Variants in WWP1 observed in about 807,000 individuals in gnomAD.
The protein encoded by WWP1 is NEDD4-like E3 ubiquitin-protein ligase WWP1.
WWP1 carries 49 observed loss-of-function variants against 130.6 expected under a neutral mutation model. That is an observed-to-expected ratio of 0.38 (90% CI 0.30 to 0.48). The LOEUF (loss-of-function observed/expected upper bound fraction) is 0.48. Ranked by LOEUF, WWP1 falls within the 20% of genes least tolerant of loss-of-function variation. The pLI is 0.99. For synonymous variants in WWP1, 332 were observed against 367.8 expected, an observed-to-expected ratio of 0.90 and a Z score of 1.11; for missense variants, 809 against 1,100.6, an observed-to-expected ratio of 0.74 and a Z score of 3.75.
At chr8:86,453,288 A>G (rs1238653114) in intron 21 of WWP1, among the ~76,000 whole-genome samples, 1 of 152,044 alleles carries the variant, frequency 6.6e-6, no homozygotes, top group African/African-American at 2.4e-5. Flanking sequence ...ATCATACAGT[A>G]TTTTACTTTC....
chr8:86,457,636 C>G (rs919365392), intron 21 of WWP1, among the ~76,000 whole-genome samples: 2 of 151,888 alleles, frequency 1.3e-5, no homozygotes, highest in Non-Finnish European at 2.9e-5. Context: ...TATATACATA[C>G]GGTAAAGGAT....
In WWP1 at chr8:86,435,512, C is replaced by T. The variant is rs1414429869; in HGVS notation, c.1662C>T (p.Phe554=). The T allele has an allele frequency of 2.5e-6, 4 of 1,613,984 alleles. No homozygotes were observed. Among genetic ancestry groups the T allele is most frequent in the East Asian group, 2.2e-5 (1 of 44,868 alleles). The change falls in exon 15 of 25, where the codon TTC becomes TTT. Residue 554 remains phenylalanine, a synonymous_variant. Coordinates refer to ENST00000517970, the MANE Select transcript of WWP1 (RefSeq NM_007013.4). ...ERGFRWKLAH[F]RYLCQSNALP... is the part of the protein sequence containing the mutation. ...GCTTTAGGTGGAAGCTTGCTCACTTCCGTTATTTGTGCCAGGTACTATAGT... is the reference window on the plus strand; with the variant it reads ...GCTTTAGGTGGAAGCTTGCTCACTTTCGTTATTTGTGCCAGGTACTATAGT...
At chr8:86,423,712 T>G (rs1809371251) in intron 9 of WWP1, among the ~76,000 whole-genome samples, 1 of 152,172 alleles carries the variant, frequency 6.6e-6, no homozygotes, top group Non-Finnish European at 1.5e-5. Context: ...ATCATCATCA[T>G]GGCCCGTTCT....
chr8:86,424,808 A>AG (rs1809510760), intron 9 of WWP1, among the ~76,000 whole-genome samples: 1 of 81,340 alleles, frequency 1.2e-5, no homozygotes, highest in Non-Finnish European at 2.3e-5. Context: ...AGAGAGGGAG[A>AG]GGGAGACTGT....
Position 86,345,251 on chromosome 8 carries a change from T to C in WWP1, c.-115+2321T>C, listed in dbSNP as rs574718343. On this transcript the variant is annotated intron_variant, in intron 1 of 24. Coordinates refer to ENST00000517970, the MANE Select transcript of WWP1 (RefSeq NM_007013.4). ...ATCATGAAGCTTTACCCTCAGCATA[T>C]GTGTGCTACTTTACAACTTTTTGGA... Among the ~76,000 whole-genome samples, 31 of 152,356 alleles carry C rather than the reference T, an allele frequency of 2.0e-4. 1 individual carries two copies. Among genetic ancestry groups the C allele is most frequent in the Admixed American group, 8.5e-4 (13 of 15,306 alleles).
chr8:86,450,049 GAA>G (rs1811090331), intron 20 of WWP1, among the ~76,000 whole-genome samples: 2 of 152,178 alleles, frequency 1.3e-5, no homozygotes. Context: ...TTTAAAAAGT[GAA>G]GTTACTGGGT....
chr8:86,425,778 GT>G (rs1270224139), intron 10 of WWP1, among the ~76,000 whole-genome samples: 5 of 152,160 alleles, frequency 3.3e-5, no homozygotes, highest in Non-Finnish European at 7.3e-5. Context: ...ATTGTAGAAG[GT>G]TTTAAATTAA....
chr8:86,362,960 ATAT>A (rs1373631944), intron 1 of WWP1, among the ~76,000 whole-genome samples: 1 of 152,168 alleles, frequency 6.6e-6, no homozygotes, highest in African/African-American at 2.4e-5. Flanking sequence ...CTCGTATTTA[ATAT>A]TATTTAATAT....
At chr8:86,446,565 C>G (rs1810894354) in intron 18 of WWP1, among the ~76,000 whole-genome samples, 1 of 152,074 alleles carries the variant, frequency 6.6e-6, no homozygotes, top group Admixed American at 6.5e-5. Context: ...GAGGGCATTT[C>G]CTAGGTTTTC....
chr8:86,459,296 G>T (rs1257781179), intron 22 of WWP1, among the ~76,000 whole-genome samples: 1 of 151,478 alleles, frequency 6.6e-6, no homozygotes, highest in African/African-American at 2.4e-5. Context: ...TTGGCCTCCT[G>T]AAGTGCTGGG....
chr8:86,438,816 A>G, intron 17 of WWP1, 143 bp downstream of exon 17: 1 of 593,562 alleles, frequency 1.7e-6, no homozygotes, highest in South Asian at 3.0e-5. Flanking sequence ...ACACACGGTA[A>G]CCATTATTAT....
chr8:86,355,155 T>G (rs1302559881), intron 1 of WWP1, among the ~76,000 whole-genome samples: 2 of 152,156 alleles, frequency 1.3e-5, no homozygotes, highest in East Asian at 3.9e-4. Flanking sequence ...AGTTAGGACA[T>G]CTCCATGGCT....
intron 8 of WWP1, chr8:86,405,240 G>T (rs923673751): frequency 6.6e-6 from 1 of 151,680 alleles, no homozygotes; most frequent in Non-Finnish European, 1.5e-5. Flanking sequence ...GGATAGGGGT[G>T]TGCATATTCT....
chr8:86,398,779 T>A, intron 7 of WWP1, 141 bp downstream of exon 7: 1 of 845,028 alleles, frequency 1.2e-6, no homozygotes, highest in Non-Finnish European at 1.8e-6. Context: ...GGTTAATTCT[T>A]GTGAAAGTAG....
chr8:86,457,890 A>G (rs1351400666), intron 21 of WWP1, 31 bp from the exon 22 acceptor site: 1 of 1,592,316 alleles, frequency 6.3e-7, no homozygotes, highest in Non-Finnish European at 8.6e-7. Flanking sequence ...CTAAATCTTT[A>G]TTGTGGCCTG....
intron 23 of WWP1, 103 bp from the exon 24 acceptor site, chr8:86,461,671 G>A: frequency 1.1e-6 from 1 of 913,036 alleles, no homozygotes; most frequent in African/African-American, 1.7e-5. Context: ...TCTTTATTTT[G>A]TATCATTCAT....
chr8:86,449,418 G>A (rs1395977224), intron 20 of WWP1, among the ~76,000 whole-genome samples: 1 of 152,246 alleles, frequency 6.6e-6, no homozygotes, highest in Non-Finnish European at 1.5e-5. Flanking sequence ...GCTATAGACA[G>A]TGTATAAATA....
At chr8:86,426,063 G>A (rs1809607054) in intron 10 of WWP1, among the ~76,000 whole-genome samples, 1 of 152,184 alleles carries the variant, frequency 6.6e-6, no homozygotes, top group Non-Finnish European at 1.5e-5. Context: ...GCAGAGAAAT[G>A]TTATTTTTAT....
chr8:86,457,629 A>G (rs1346710597), intron 21 of WWP1, among the ~76,000 whole-genome samples: 11 of 152,098 alleles, frequency 7.2e-5, no homozygotes, highest in African/African-American at 1.9e-4. Context: ...CATACCATAT[A>G]TACATACGGT....
Sources: gnomAD v4.1 joint callset for allele counts (sites outside exome capture counted in the v4.1 genomes callset) on GRCh38, gnomAD v4.1.1 for gene constraint, MANE v1.5 for transcripts, NCBI Gene and HGNC (gene_info 2026-07-23, HGNC 2026-07-21) for gene names.